Variants in CDH12 observed in about 807,000 individuals in gnomAD.
The protein encoded by CDH12 is cadherin 12.
CDH12 carries 41 observed loss-of-function variants against 74.1 expected under a neutral mutation model. The ratio of observed to expected loss-of-function variants is 0.55; its 90% CI spans 0.43 to 0.72. The LOEUF (loss-of-function observed/expected upper bound fraction) is 0.72. Among genes scored for constraint, CDH12 ranks in the 30% least tolerant of loss-of-function variants. The pLI is 0.00. For missense variants in CDH12, 945 were observed against 977.2 expected, an observed-to-expected ratio of 0.97 and a Z score of 0.44; for synonymous variants, 399 against 355.0, an observed-to-expected ratio of 1.12 and a Z score of -1.39.
At chr5:22,508,699 C>G (rs924758819) in intron 1 of CDH12, among the ~76,000 whole-genome samples, 3 of 152,144 alleles carry the variant, frequency 2.0e-5, no homozygotes, top group Admixed American at 1.3e-4. Context: ...ACAAACTCAA[C>G]TAATAGTCAA....
chr5:21,829,939 G>A (rs1275243489), intron 8 of CDH12, among the ~76,000 whole-genome samples: 2 of 151,748 alleles, frequency 1.3e-5, no homozygotes, highest in Non-Finnish European at 2.9e-5. Context: ...TGGCTCACAC[G>A]TGTAATCCCA....
chr5:21,876,215 T>C (rs994149062), intron 6 of CDH12, among the ~76,000 whole-genome samples: 1 of 152,154 alleles, frequency 6.6e-6, no homozygotes, highest in Non-Finnish European at 1.5e-5. Context: ...TTTTAATGGT[T>C]GAGACAAATC....
intron 2 of CDH12, among the ~76,000 whole-genome samples, chr5:22,490,853 C>T (rs1261263): frequency 0.016 from 2,384 of 152,326 alleles, 78 homozygotes; most frequent in African/African-American, 0.055. Flanking sequence ...GCAGTCAACA[C>T]TTTGTCAAGA....
At chr5:22,593,944 CTA>C (rs1736472093) in intron 1 of CDH12, among the ~76,000 whole-genome samples, 1 of 152,060 alleles carries the variant, frequency 6.6e-6, no homozygotes, top group Non-Finnish European at 1.5e-5. Flanking sequence ...AACTGATTAT[CTA>C]TATATACTTG....
At chr5:21,786,702 C>T (rs1381835414) in intron 10 of CDH12, among the ~76,000 whole-genome samples, 1 of 152,088 alleles carries the variant, frequency 6.6e-6, no homozygotes, top group African/African-American at 2.4e-5. Context: ...CTATAGCTAC[C>T]AAAGATAGTG....
At chr5:21,784,394 T>C (rs1157964023) in intron 10 of CDH12, among the ~76,000 whole-genome samples, 1 of 152,054 alleles carries the variant, frequency 6.6e-6, no homozygotes, top group African/African-American at 2.4e-5. Context: ...GTCTGCAGAA[T>C]AGTATTATTA....
chr5:21,988,491 CAAAAAAA>C (rs1157872208), intron 5 of CDH12, among the ~76,000 whole-genome samples: 175 of 29,470 alleles, frequency 5.9e-3, no homozygotes, highest in African/African-American at 0.011. Flanking sequence ...GACTCCGTCT[CAAAAAAA>C]AAAAAAAAAA....
At chr5:22,024,923 T>C (rs768008728) in intron 5 of CDH12, among the ~76,000 whole-genome samples, 4 of 152,162 alleles carry the variant, frequency 2.6e-5, no homozygotes, top group Admixed American at 2.6e-4. Flanking sequence ...TATCAGTTAA[T>C]TAATTTGTCT....
At chr5:21,849,921 A>T (rs2149995618) in intron 7 of CDH12, among the ~76,000 whole-genome samples, 1 of 151,862 alleles carries the variant, frequency 6.6e-6, no homozygotes. Context: ...ATCAGTGGGC[A>T]AACAGAATAA....
intron 2 of CDH12, among the ~76,000 whole-genome samples, chr5:22,471,640 A>G (rs1415413314): frequency 6.6e-6 from 1 of 152,130 alleles, no homozygotes; most frequent in Non-Finnish European, 1.5e-5. Flanking sequence ...TAAATTCCAA[A>G]TAATATTTTA....
intron 6 of CDH12, among the ~76,000 whole-genome samples, chr5:21,882,346 G>A (rs950216426): frequency 1.3e-5 from 2 of 152,036 alleles, no homozygotes; most frequent in Non-Finnish European, 2.9e-5. Flanking sequence ...ACAAAAAGAC[G>A]TATTTTTATT....
intron 5 of CDH12, among the ~76,000 whole-genome samples, chr5:22,010,962 G>A (rs1011145788): frequency 2.0e-5 from 3 of 151,858 alleles, no homozygotes; most frequent in East Asian, 1.9e-4. Context: ...GTTTCCCTCT[G>A]AGCAAAGGTG....
intron 1 of CDH12, among the ~76,000 whole-genome samples, chr5:22,570,303 C>A (rs938027512): frequency 6.6e-6 from 1 of 152,058 alleles, no homozygotes; most frequent in Admixed American, 6.6e-5. Flanking sequence ...CCTGCCTCGG[C>A]CTCCTGAAGT....
In CDH12 at chr5:22,078,580, T is replaced by C; in HGVS notation, c.97A>G (p.Thr33Ala). Residue 33 changes from threonine to alanine, a missense_variant, in exon 5 of 15, where the codon ACA becomes GCA. Transcript: ENST00000382254. ...LQPQPQQTLATEPRENVIHLP... is the reference protein window; with the variant it reads ...LQPQPQQTLAAEPRENVIHLP... ...TGGATAACATTTTCTCTTGGCTCTGTGGCTAAAGTCTGCTGTGGCTGTGGT... is the reference window on the plus strand; with the variant it reads ...TGGATAACATTTTCTCTTGGCTCTGCGGCTAAAGTCTGCTGTGGCTGTGGT... 2 of 1,613,976 alleles carry C rather than the reference T, an allele frequency of 1.2e-6. No individual in the cohort carries two copies. Among genetic ancestry groups the C allele is most frequent in the East Asian group, 2.2e-5 (1 of 44,870 alleles).
intron 7 of CDH12, among the ~76,000 whole-genome samples, chr5:21,850,234 A>G (rs990713023): frequency 2.0e-5 from 3 of 151,546 alleles, no homozygotes; most frequent in African/African-American, 7.3e-5. Flanking sequence ...AATATACAAC[A>G]TGAGGACTAG....
intron 1 of CDH12, among the ~76,000 whole-genome samples, chr5:22,782,305 A>C (rs1299066749): frequency 6.6e-6 from 1 of 152,112 alleles, no homozygotes; most frequent in Admixed American, 6.6e-5. Flanking sequence ...TGTAATCCCC[A>C]GGTGCCCAAG....
intron 5 of CDH12, among the ~76,000 whole-genome samples, chr5:22,064,579 T>C (rs918334780): frequency 6.6e-6 from 1 of 152,142 alleles, no homozygotes; most frequent in Non-Finnish European, 1.5e-5. Context: ...ATGTAGAATA[T>C]CACTACTGGA....
At chr5:22,097,054 C>A (rs1012604634) in intron 4 of CDH12, among the ~76,000 whole-genome samples, 1 of 152,166 alleles carries the variant, frequency 6.6e-6, no homozygotes, top group African/African-American at 2.4e-5. Context: ...ACAAGGACTC[C>A]AAATGCCTGA....
At chr5:22,087,403 G>A (rs957778098) in intron 4 of CDH12, among the ~76,000 whole-genome samples, 1 of 152,096 alleles carries the variant, frequency 6.6e-6, no homozygotes, top group African/African-American at 2.4e-5. Context: ...ACTCTGTGGG[G>A]CCGAGGCAAG....
Sources: gnomAD v4.1 joint callset for allele counts (sites outside exome capture counted in the v4.1 genomes callset) on GRCh38, gnomAD v4.1.1 for gene constraint, MANE v1.5 for transcripts, NCBI Gene and HGNC (gene_info 2026-07-23, HGNC 2026-07-21) for gene names.